STEAP1B: variants seen among roughly 807,000 people sequenced by gnomAD.
STEAP1B encodes the protein STEAP family protein MGC87042.
STEAP1B carries 13 observed loss-of-function variants against 27.9 expected under a neutral mutation model. The ratio of observed to expected loss-of-function variants is 0.47; its 90% CI spans 0.30 to 0.74. The LOEUF (loss-of-function observed/expected upper bound fraction) is 0.74. Ranked by LOEUF, STEAP1B falls within the 30% of genes least tolerant of loss-of-function variation. The probability of loss-of-function intolerance (pLI) is 0.06; values close to 1 mark genes in which losing one functional copy is unlikely to be tolerated. For synonymous variants in STEAP1B, 86 were observed against 107.1 expected (o/e 0.80, Z 1.22); for missense variants, 250 against 298.7 (o/e 0.84, Z 1.20).
intron 4 of STEAP1B, among the ~76,000 whole-genome samples, chr7:22,488,818 A>G (rs1466118879): frequency 1.3e-5 from 2 of 152,180 alleles, no homozygotes; most frequent in Admixed American, 1.3e-4. Context: ...TGCAGCCCTC[A>G]GTTTTCTAGC....
chr7:22,465,835 C>G (rs909333580), intron 4 of STEAP1B, among the ~76,000 whole-genome samples: 3 of 152,130 alleles, frequency 2.0e-5, no homozygotes, highest in African/African-American at 7.2e-5. Context: ...AACCGCATGG[C>G]CTGTCTAGTG....
chr7:22,469,439 T>C (rs1258045620), intron 4 of STEAP1B, among the ~76,000 whole-genome samples: 1 of 152,194 alleles, frequency 6.6e-6, no homozygotes, highest in Non-Finnish European at 1.5e-5. Flanking sequence ...ATGCAGTCTA[T>C]ATTAGTGTAC....
chr7:22,465,035 C>T (rs1252834757), intron 4 of STEAP1B, among the ~76,000 whole-genome samples: 1 of 141,508 alleles, frequency 7.1e-6, no homozygotes, highest in Non-Finnish European at 1.5e-5. Context: ...ATGCCAGCAT[C>T]ACTACTCTTG....
intron 4 of STEAP1B, among the ~76,000 whole-genome samples, chr7:22,465,583 G>A (rs557367241): frequency 7.2e-5 from 11 of 152,222 alleles, no homozygotes; most frequent in South Asian, 4.2e-4. Flanking sequence ...TATGTACGAT[G>A]TGAACATGAC....
At chr7:22,428,810 T>TAAATA (rs979096763) in intron 4 of STEAP1B, among the ~76,000 whole-genome samples, 5 of 151,814 alleles carry the variant, frequency 3.3e-5, no homozygotes, top group South Asian at 2.1e-4. Context: ...ATATGAAAAA[T>TAAATA]AAATAAAATA....
chr7:22,461,091 T>G (rs1172347719), intron 4 of STEAP1B, among the ~76,000 whole-genome samples: 1 of 152,116 alleles, frequency 6.6e-6, no homozygotes, highest in East Asian at 1.9e-4. Flanking sequence ...CTGTGTTGGA[T>G]TGCTCATACC....
chr7:22,482,889 G>A (rs1786108057), intron 4 of STEAP1B, among the ~76,000 whole-genome samples: 1 of 152,142 alleles, frequency 6.6e-6, no homozygotes, highest in South Asian at 2.1e-4. Flanking sequence ...CTTTGAACTG[G>A]GGAGACATCC....
intron 1 of STEAP1B, among the ~76,000 whole-genome samples, chr7:22,497,987 A>G (rs1677449650): frequency 1.3e-5 from 2 of 152,214 alleles, no homozygotes; most frequent in Admixed American, 6.5e-5. Flanking sequence ...ACCTCAGATC[A>G]TCAGGCAATA....
chr7:22,447,211 C>T (rs1255663061), intron 4 of STEAP1B, among the ~76,000 whole-genome samples: 1 of 152,134 alleles, frequency 6.6e-6, no homozygotes, highest in African/African-American at 2.4e-5. Context: ...TGGGCAAAAA[C>T]CTTATTATAT....
At chr7:22,421,918 T>A (rs1300239775) in intron 4 of STEAP1B, among the ~76,000 whole-genome samples, 1 of 152,194 alleles carries the variant, frequency 6.6e-6, no homozygotes, top group Non-Finnish European at 1.5e-5. Context: ...CATGGGAAAA[T>A]CTGCAGTATG....
intron 4 of STEAP1B, among the ~76,000 whole-genome samples, chr7:22,437,916 C>T (rs927020770): frequency 8.6e-5 from 13 of 151,902 alleles, no homozygotes; most frequent in African/African-American, 1.5e-4. Context: ...TTTGGGAAAA[C>T]GTCTATTCAT....
chr7:22,464,815 T>A (rs931919381), intron 4 of STEAP1B, among the ~76,000 whole-genome samples: 1 of 150,738 alleles, frequency 6.6e-6, no homozygotes, highest in Non-Finnish European at 1.5e-5. Context: ...GGAAATAAAT[T>A]TCTGTTAAGA....
At chr7:22,434,164 G>A (rs570207996) in intron 4 of STEAP1B, among the ~76,000 whole-genome samples, 1 of 152,324 alleles carries the variant, frequency 6.6e-6, no homozygotes, top group Admixed American at 6.5e-5. Flanking sequence ...CCAAAGATCT[G>A]CAGAGCCCAG....
At chr7:22,479,923 T>G (rs984271842) in intron 4 of STEAP1B, among the ~76,000 whole-genome samples, 2 of 152,082 alleles carry the variant, frequency 1.3e-5, no homozygotes, top group Admixed American at 1.3e-4. Flanking sequence ...TGGCCTCAGC[T>G]CTTTATATTA....
chr7:22,484,216 A>G (rs1786135151), intron 4 of STEAP1B, among the ~76,000 whole-genome samples: 1 of 152,226 alleles, frequency 6.6e-6, no homozygotes, highest in Non-Finnish European at 1.5e-5. Flanking sequence ...GCCCTCTTGG[A>G]AGATGCCATC....
chr7:22,433,114 C>A (rs7784496), intron 4 of STEAP1B, among the ~76,000 whole-genome samples: 24,401 of 150,968 alleles, frequency 0.16, 2,070 homozygotes, highest in Non-Finnish European at 0.19. Context: ...CAGAATCTAA[C>A]AGAACCTAAA....
intron 4 of STEAP1B, among the ~76,000 whole-genome samples, chr7:22,456,972 A>ATATTTTTTTTTTT: frequency 3.5e-5 from 2 of 57,046 alleles, no homozygotes; most frequent in Admixed American, 2.0e-4. Context: ...ATATATATAT[A>ATATTTTTTTTTTT]TTTTTTTTTT....
intron 4 of STEAP1B, 92 bp downstream of exon 4, chr7:22,492,473 T>C (rs937693351): frequency 2.8e-6 from 4 of 1,421,990 alleles, no homozygotes; most frequent in Non-Finnish European, 3.7e-6. Context: ...TGAAAAACAT[T>C]TGTTATTTTT....
intron 4 of STEAP1B, among the ~76,000 whole-genome samples, chr7:22,454,265 A>G (rs143661300): frequency 9.3e-4 from 142 of 152,298 alleles, no homozygotes; most frequent in African/African-American, 3.1e-3. Flanking sequence ...CTCAGGCCTA[A>G]TCCATTTAAA....
Sources: gnomAD v4.1 joint callset for allele counts (sites outside exome capture counted in the v4.1 genomes callset) on GRCh38, gnomAD v4.1.1 for gene constraint, MANE v1.5 for transcripts, NCBI Gene and HGNC (gene_info 2026-07-23, HGNC 2026-07-21) for gene names.